The following VPS36 variants were observed in gnomAD, a reference collection of about 807,000 sequenced individuals.
VPS36 encodes vacuolar protein sorting 36 homolog.
A neutral mutation model predicts 63.5 loss-of-function variants in VPS36; 31 were observed. The observed-to-expected ratio is 0.49, with a 90% CI of 0.37 to 0.66. The LOEUF is 0.66. VPS36 is among the 30% of genes least tolerant of loss of function. The pLI is 0.00. For missense variants in VPS36, 338 were observed against 463.7 expected, an observed-to-expected ratio of 0.73 and a Z score of 2.49; for synonymous variants, 138 against 157.2, an observed-to-expected ratio of 0.88 and a Z score of 0.91.
At chr13:52,434,398 G>A (rs889103102) in intron 5 of VPS36, among the ~76,000 whole-genome samples, 8 of 151,848 alleles carry the variant, frequency 5.3e-5, no homozygotes, top group Admixed American at 2.6e-4. Flanking sequence ...TTGCTCTGTC[G>A]CCCAGGCTGA....
intron 1 of VPS36, among the ~76,000 whole-genome samples, chr13:52,445,781 CAA>C (rs141386443): frequency 1.6e-5 from 2 of 125,336 alleles, no homozygotes. Flanking sequence ...ACTAAAAATA[CAA>C]AAAAAAAATA....
At chr13:52,450,455 G>T in intron 1 of VPS36, 44 bp downstream of exon 1, 1 of 1,558,450 alleles carries the variant, frequency 6.4e-7, no homozygotes. Flanking sequence ...GCCCACCGGG[G>T]GTCCCTTCCG....
chr13:52,431,470 A>G (rs1161649373), intron 6 of VPS36, among the ~76,000 whole-genome samples: 1 of 152,186 alleles, frequency 6.6e-6, no homozygotes, highest in Non-Finnish European at 1.5e-5. Flanking sequence ...TCCCACTAAA[A>G]GAAACCAGAG....
intron 1 of VPS36, among the ~76,000 whole-genome samples, chr13:52,449,236 C>A (rs954901115): frequency 6.6e-6 from 1 of 152,168 alleles, no homozygotes; most frequent in African/African-American, 2.4e-5. Context: ...CCCAGTTACT[C>A]AGGAGGCTGA....
intron 6 of VPS36, 130 bp from the exon 7 acceptor site, chr13:52,427,349 T>C (rs997667317): frequency 1.1e-6 from 1 of 872,672 alleles, no homozygotes; most frequent in African/African-American, 1.7e-5. Context: ...CTCACGCCTA[T>C]AATCCCAGCA....
intron 10 of VPS36, among the ~76,000 whole-genome samples, chr13:52,418,863 T>C (rs1020640897): frequency 1.3e-5 from 2 of 152,204 alleles, no homozygotes; most frequent in African/African-American, 4.8e-5. Context: ...CAGCATAGTG[T>C]GGTGATGACA....
chr13:52,438,914 G>A lies in VPS36; in HGVS notation c.236+184C>T, dbSNP rs115606530. Among the ~76,000 whole-genome samples, 1,123 of 152,308 alleles carry A rather than the reference G, an allele frequency of 7.4e-3. 6 individuals are homozygous for A. Among genetic ancestry groups the A allele is most frequent in the African/African-American group, 0.017 (699 of 41,566 alleles). ...AGCAAAGTGTCTACGGAAAGACAAT[G>A]ATAACTGGGCCACATTTCTTTATTA... On this transcript the variant is annotated intron_variant, in intron 3 of 13. Coordinates refer to ENST00000378060, the MANE Select transcript of VPS36 (RefSeq NM_016075.4).
chr13:52,430,644 A>AT (rs1958145690), intron 6 of VPS36, among the ~76,000 whole-genome samples: 1 of 151,950 alleles, frequency 6.6e-6, no homozygotes, highest in Admixed American at 6.6e-5. Flanking sequence ...AAAAAAAAAA[A>AT]GTAAGTTATA....
Position 52,413,167 on chromosome 13 carries a change from ATT to A in VPS36, c.*2661_*2662del, listed in dbSNP as rs1370714320. ...TCTGAGACTTTTGGGCAAAAGAACC[ATT>A]TTAAGTATTTGAGTATGAGAAAGAT... On this transcript the variant is annotated 3_prime_UTR_variant, in exon 14 of 14. Coordinates refer to ENST00000378060, the MANE Select transcript of VPS36 (RefSeq NM_016075.4). 6.6e-6 allele frequency: 1 copy of A among 152,506 alleles called. No homozygotes were observed. The highest frequency in any genetic ancestry group is 2.4e-5 in the African/African-American group (1 of 41,458). 9.4% of individuals were successfully genotyped at this position (152,506 alleles called of 1,614,324 possible).
At chr13:52,416,491 T>C (rs1168048367) in intron 12 of VPS36, among the ~76,000 whole-genome samples, 3 of 152,194 alleles carry the variant, frequency 2.0e-5, no homozygotes, top group Non-Finnish European at 4.4e-5. Context: ...ATCTGTAGTC[T>C]TGGGGTTTTC....
In VPS36 at chr13:52,415,826, A is replaced by G; in HGVS notation, c.*4T>C. Reference sequence around the variant, plus strand: ...GGACAAAAAGGATTTTAAATACAAAACCCTTAGCTCTGTGTCATAAATAAA... The same window carrying G: ...GGACAAAAAGGATTTTAAATACAAAGCCCTTAGCTCTGTGTCATAAATAAA... On this transcript the variant is annotated 3_prime_UTR_variant, in exon 14 of 14. Transcript: ENST00000378060. 1.9e-6 allele frequency: 3 copies of G among 1,613,282 alleles called. No individual in the cohort carries two copies. The highest frequency in any genetic ancestry group is 2.2e-5 in the East Asian group (1 of 44,866).
intron 6 of VPS36, among the ~76,000 whole-genome samples, chr13:52,430,974 C>T (rs4536354): frequency 3.0e-4 from 46 of 151,450 alleles, no homozygotes; most frequent in Non-Finnish European, 5.6e-4. Context: ...TCCAAGAAAA[C>T]TGACCTTCAT....
Position 52,417,084 on chromosome 13 carries a change from C to G in VPS36, c.963G>C (p.Glu321Asp). The change falls in exon 12 of 14, where the codon GAG becomes GAC. Residue 321 changes from glutamate to aspartate, a missense_variant. Glu to Asp is a conservative substitution (Grantham distance 45). Transcript: ENST00000378060. ...MVIELQSHKE[E>D]EMVASALETV... The stretch of plus-strand genomic sequence containing the variant: ...TCTCCAGGGCCGAGGCCACCATTTC[C>G]TCTTCCTTGTGAGACTGAAGCTCAA... The G allele has an allele frequency of 5.6e-6, 9 of 1,614,082 alleles. No individual in the cohort carries two copies. Among genetic ancestry groups the G allele is most frequent in the Non-Finnish European group, 7.6e-6 (9 of 1,179,996 alleles).
rs1957979642 is a variant in VPS36 at position 52,414,904 on chromosome 13, A to G, written c.*926T>C. 1 of 152,246 alleles carries G rather than the reference A, an allele frequency of 6.6e-6. No individual in the cohort carries two copies. Among genetic ancestry groups the G allele is most frequent in the Non-Finnish European group, 1.5e-5 (1 of 68,044 alleles). The allele number at this position is 152,246 out of a possible 1,614,324, so 9.4% of individuals were successfully genotyped here. On this transcript the variant is annotated 3_prime_UTR_variant, in exon 14 of 14. Coordinates refer to ENST00000378060, the MANE Select transcript of VPS36 (RefSeq NM_016075.4). ...TTTCTTACCGAAGTAGTTTTTCCAC[A>G]CAACTTACAACATAAAGGACAAAGA...
chr13:52,417,753 G>A (rs1489531659), intron 11 of VPS36, among the ~76,000 whole-genome samples: 3 of 152,152 alleles, frequency 2.0e-5, no homozygotes, highest in Non-Finnish European at 2.9e-5. Context: ...GGGAAGAGGG[G>A]CTAGTTATTC....
At chr13:52,443,234 A>AT (rs1389679554) in intron 1 of VPS36, among the ~76,000 whole-genome samples, 1 of 152,190 alleles carries the variant, frequency 6.6e-6, no homozygotes, top group Admixed American at 6.5e-5. Context: ...TCATGAGATA[A>AT]TTTTTAAAAT....
At chr13:52,428,546 C>A (rs572324855) in intron 6 of VPS36, among the ~76,000 whole-genome samples, 1 of 152,328 alleles carries the variant, frequency 6.6e-6, no homozygotes, top group African/African-American at 2.4e-5. Context: ...AAGGCTTAAA[C>A]ACTGGATTCT....
chr13:52,427,516 A>G, intron 6 of VPS36, among the ~76,000 whole-genome samples: 1 of 152,120 alleles, frequency 6.6e-6, no homozygotes, highest in East Asian at 1.9e-4. Context: ...CTGAGGCAGG[A>G]GAATGGCGTT....
chr13:52,417,639 T>C (rs1958006254), intron 11 of VPS36, among the ~76,000 whole-genome samples: 1 of 152,190 alleles, frequency 6.6e-6, no homozygotes, highest in Non-Finnish European at 1.5e-5. Flanking sequence ...GGATTACAGG[T>C]GTGAGCCACC....
Sources: allele counts gnomAD v4.1 joint callset (sites outside exome capture counted in the v4.1 genomes callset), GRCh38; gene constraint gnomAD v4.1.1; transcripts MANE v1.5; gene names NCBI Gene and HGNC (gene_info 2026-07-23, HGNC 2026-07-21).